TSNARE1: variants seen among roughly 807,000 people sequenced by gnomAD.
TSNARE1 encodes the protein t-SNARE domain-containing protein 1.
In TSNARE1, 49 loss-of-function variants were observed where a neutral mutation model predicts 62.0. The observed-to-expected ratio is 0.79, with a 90% CI of 0.63 to 1.00. The LOEUF is 1.00. TSNARE1 is among the 50% of genes least tolerant of loss of function. TSNARE1 has a pLI of 0.00. For missense variants in TSNARE1, 755 were observed against 700.1 expected, an observed-to-expected ratio of 1.08 and a Z score of -0.88; for synonymous variants, 328 against 294.4, an observed-to-expected ratio of 1.11 and a Z score of -1.17.
chr8:142,343,812 A>AGGAGGAGGGGAGAGGAGGG (rs1832957701), intron 4 of TSNARE1, among the ~76,000 whole-genome samples, 154 bp downstream of exon 4: 1 of 40,036 alleles, frequency 2.5e-5, no homozygotes, highest in African/African-American at 1.3e-4. Context: ...GAGGAGGAGG[A>AGGAGGAGGGGAGAGGAGGG]GGGGAGAGGA....
Position 142,227,330 on chromosome 8 carries a change from T to C in TSNARE1, c.*11+2143A>G, listed in dbSNP as rs28594536. ...CCCTTCCTGCCCACAACTCCAGTGA[T>C]AGCCAGGACCCCCATCCTGCCCATA... On this transcript the variant is annotated intron_variant, in intron 13 of 13. Transcript: ENST00000524325. Among the ~76,000 whole-genome samples, 877 of 92,428 alleles carry C rather than the reference T, an allele frequency of 9.5e-3. 16 individuals are homozygous for C. Among genetic ancestry groups the C allele is most frequent in the African/African-American group, 0.048 (598 of 12,578 alleles). 60.6% of individuals were successfully genotyped at this position (92,428 alleles called of 152,430 possible).
At chr8:142,235,428 A>G (rs1430407456) in intron 12 of TSNARE1, among the ~76,000 whole-genome samples, 1 of 68,350 alleles carries the variant, frequency 1.5e-5, no homozygotes, top group East Asian at 4.5e-4. Context: ...CTTCCTCCTG[A>G]CCCCCCTGCA....
intron 13 of TSNARE1, among the ~76,000 whole-genome samples, chr8:142,222,260 AT>A (rs1816337470): frequency 5.6e-5 from 2 of 35,844 alleles, no homozygotes; most frequent in Non-Finnish European, 6.6e-5. Flanking sequence ...TCATCCACTC[AT>A]CCACTCACTC....
chr8:142,296,451 TGGG>T (rs768672043), intron 10 of TSNARE1, among the ~76,000 whole-genome samples: 1 of 17,308 alleles, frequency 5.8e-5, no homozygotes, highest in East Asian at 1.6e-3. Flanking sequence ...GTCACTGTCA[TGGG>T]GGAGAGGTGG....
At chr8:142,370,465 G>A (rs529984385) in intron 1 of TSNARE1, among the ~76,000 whole-genome samples, 3 of 152,122 alleles carry the variant, frequency 2.0e-5, no homozygotes, top group African/African-American at 2.4e-5. Flanking sequence ...CCAGCTACTC[G>A]GCAGGCTGAG....
chr8:142,322,337 T>C (rs994314958), intron 6 of TSNARE1, among the ~76,000 whole-genome samples: 1 of 152,166 alleles, frequency 6.6e-6, no homozygotes, highest in Non-Finnish European at 1.5e-5. Flanking sequence ...GAGCAGAAGA[T>C]GGAATGCTTC....
At chr8:142,264,422 G>A (rs902652043) in intron 12 of TSNARE1, among the ~76,000 whole-genome samples, 1 of 152,164 alleles carries the variant, frequency 6.6e-6, no homozygotes. Context: ...GTGTAGCAGA[G>A]GGTTCTGTAA....
At chr8:142,298,882 C>T (rs989423924) in intron 10 of TSNARE1, among the ~76,000 whole-genome samples, 2 of 152,178 alleles carry the variant, frequency 1.3e-5, no homozygotes, top group Non-Finnish European at 2.9e-5. Flanking sequence ...CACGAGCACC[C>T]GTTTCTCCAC....
chr8:142,330,846 G>GC (rs796377522), intron 6 of TSNARE1, 55 bp downstream of exon 6: 2 of 1,578,138 alleles, frequency 1.3e-6, no homozygotes, highest in Non-Finnish European at 8.7e-7. Context: ...TCCCGCCCCT[G>GC]CCCCCCAATG....
intron 4 of TSNARE1, among the ~76,000 whole-genome samples, chr8:142,332,134 C>T (rs940196468): frequency 3.9e-5 from 6 of 152,220 alleles, no homozygotes; most frequent in Non-Finnish European, 7.3e-5. Flanking sequence ...CCGGAAGCTA[C>T]GAGCACCTGC....
intron 1 of TSNARE1, among the ~76,000 whole-genome samples, chr8:142,366,334 C>T (rs1835550228): frequency 6.6e-6 from 1 of 151,870 alleles, no homozygotes; most frequent in South Asian, 2.1e-4. Context: ...AACCATGTCA[C>T]CAAAACCTAA....
At chr8:142,307,420 C>T (rs1207722981) in intron 9 of TSNARE1, among the ~76,000 whole-genome samples, 1 of 152,188 alleles carries the variant, frequency 6.6e-6, no homozygotes, top group African/African-American at 2.4e-5. Context: ...GGGGGAGTGG[C>T]CGAGGACTTC....
chr8:142,310,700 C>T (rs144644386), intron 9 of TSNARE1, among the ~76,000 whole-genome samples: 2,287 of 152,308 alleles, frequency 0.015, 30 homozygotes, highest in Non-Finnish European at 0.023. Flanking sequence ...AGGTGTCAGT[C>T]TTGTCCCTTT....
chr8:142,376,783 C>T (rs1836376938), intron 1 of TSNARE1, among the ~76,000 whole-genome samples: 3 of 152,142 alleles, frequency 2.0e-5, no homozygotes, highest in Non-Finnish European at 2.9e-5. Flanking sequence ...GTGGCAGACC[C>T]GGGGCCTGGA....
intron 11 of TSNARE1, among the ~76,000 whole-genome samples, chr8:142,282,423 A>C (rs1323058984): frequency 6.7e-6 from 1 of 149,632 alleles, no homozygotes; most frequent in Non-Finnish European, 1.5e-5. Flanking sequence ...AGTGTCTATT[A>C]ATGAGCGGAG....
chr8:142,371,232 C>G (rs1261387996), intron 1 of TSNARE1, among the ~76,000 whole-genome samples: 1 of 152,162 alleles, frequency 6.6e-6, no homozygotes, highest in African/African-American at 2.4e-5. Flanking sequence ...ACAAAAACTC[C>G]AGGCCTAGAG....
chr8:142,271,486 C>A, intron 12 of TSNARE1: 1 of 1,291,670 alleles, frequency 7.7e-7, no homozygotes, highest in South Asian at 2.5e-5. Flanking sequence ...GAGGTGCTGG[C>A]GCCGAAGAGG....
chr8:142,277,550 C>T (rs755920547), intron 11 of TSNARE1: 21 of 985,336 alleles, frequency 2.1e-5, no homozygotes, highest in Admixed American at 1.2e-4. Flanking sequence ...CCCACCCTGT[C>T]CTCAGGCTTG....
intron 12 of TSNARE1, among the ~76,000 whole-genome samples, chr8:142,272,351 TCCAC>T (rs1337509949): frequency 6.8e-6 from 1 of 147,708 alleles, no homozygotes; most frequent in South Asian, 2.2e-4. Context: ...CCTCTTTCCA[TCCAC>T]CCACCCGTCT....
Sources: gnomAD v4.1 joint callset for allele counts (sites outside exome capture counted in the v4.1 genomes callset) on GRCh38, gnomAD v4.1.1 for gene constraint, MANE v1.5 for transcripts, NCBI Gene and HGNC (gene_info 2026-07-23, HGNC 2026-07-21) for gene names.